The following KIAA0825 variants were observed in gnomAD, a reference collection of about 807,000 sequenced individuals.
The protein encoded by KIAA0825 is KIAA0825, also known as uncharacterized protein KIAA0825.
In KIAA0825, 119 loss-of-function variants were observed where a neutral mutation model predicts 147.6. The observed-to-expected ratio is 0.81, with a 90% CI of 0.69 to 0.94. The LOEUF (loss-of-function observed/expected upper bound fraction) is 0.94. Among genes scored for constraint, KIAA0825 ranks in the 40% least tolerant of loss-of-function variants. The pLI is 0.00. For synonymous variants in KIAA0825, 470 were observed against 518.1 expected, an observed-to-expected ratio of 0.91 and a Z score of 1.26; for missense variants, 1,381 against 1,472.7, an observed-to-expected ratio of 0.94 and a Z score of 1.02.
At chr5:94,592,509 T>C (rs940064139) in intron 1 of KIAA0825, among the ~76,000 whole-genome samples, 3 of 152,124 alleles carry the variant, frequency 2.0e-5, no homozygotes, top group African/African-American at 7.2e-5. Flanking sequence ...GAGGGTTGGG[T>C]GAGACAACCA....
At chr5:94,376,609 A>AAAACAAAC (rs57714508) in intron 20 of KIAA0825, among the ~76,000 whole-genome samples, 8 of 152,172 alleles carry the variant, frequency 5.3e-5, no homozygotes, top group South Asian at 2.1e-4. Flanking sequence ...ATCTCTGCAA[A>AAAACAAAC]AAACAAACAA....
chr5:94,363,902 C>G (rs1419826879), intron 20 of KIAA0825, among the ~76,000 whole-genome samples: 1 of 151,976 alleles, frequency 6.6e-6, no homozygotes, highest in Non-Finnish European at 1.5e-5. Flanking sequence ...TTAACAACGC[C>G]TCTTTCTCTT....
chr5:94,462,521 T>C lies in KIAA0825; in HGVS notation c.2112A>G (p.Ser704=). 6.5e-7 allele frequency: 1 copy of C among 1,542,060 alleles called. No individual in the cohort carries two copies. The highest frequency in any genetic ancestry group is 2.5e-5 in the East Asian group (1 of 40,646). Residue 704 remains serine (S), a synonymous_variant, in exon 12 of 21, where the codon TCA becomes TCG. Transcript: ENST00000682413. ...ILICTENMLW[S]VCTSVQKLLN... is the part of the protein sequence containing the mutation. ...AAAGTTTCTGTACAGATGTACAAAC[T>C]GACCATAACATGTTCTCAGTGCATA...
chr5:94,521,021 T>G (rs903676701), intron 4 of KIAA0825, 104 bp from the exon 5 acceptor site: 16 of 968,750 alleles, frequency 1.7e-5, no homozygotes, highest in Non-Finnish European at 2.0e-5. Context: ...ATCAATACTC[T>G]AAAATTCCTT....
chr5:94,435,685 G>A (rs1053029510), intron 14 of KIAA0825, among the ~76,000 whole-genome samples: 1 of 152,118 alleles, frequency 6.6e-6, no homozygotes, highest in Admixed American at 6.6e-5. Context: ...CTAGGTCTCT[G>A]AGCAATCTCT....
At chr5:94,607,272 T>A (rs1025897006) in intron 1 of KIAA0825, among the ~76,000 whole-genome samples, 1 of 151,956 alleles carries the variant, frequency 6.6e-6, no homozygotes, top group African/African-American at 2.4e-5. Context: ...CAACAAAACA[T>A]TATATGTCAT....
chr5:94,518,628 T>C (rs1767621564), intron 5 of KIAA0825, among the ~76,000 whole-genome samples: 1 of 152,088 alleles, frequency 6.6e-6, no homozygotes, highest in Non-Finnish European at 1.5e-5. Context: ...TTCATGAAAT[T>C]GGGATAATAG....
chr5:94,403,145 T>C (rs1751610503), intron 16 of KIAA0825, among the ~76,000 whole-genome samples: 1 of 152,112 alleles, frequency 6.6e-6, no homozygotes, highest in Non-Finnish European at 1.5e-5. Flanking sequence ...GTAGGTGTTT[T>C]AACAAGAGAA....
chr5:94,333,705 T>C (rs2150301217), intron 20 of KIAA0825, among the ~76,000 whole-genome samples: 1 of 152,278 alleles, frequency 6.6e-6, no homozygotes, highest in Middle Eastern at 3.4e-3. Context: ...GTCTTGGCTA[T>C]ACAGGATCTT....
At chr5:94,317,184 A>T (rs1439239049) in intron 20 of KIAA0825, among the ~76,000 whole-genome samples, 1 of 151,858 alleles carries the variant, frequency 6.6e-6, no homozygotes, top group Non-Finnish European at 1.5e-5. Context: ...AGTGCCTAGA[A>T]GTCACAACCC....
chr5:94,586,652 A>C (rs1388599602), intron 1 of KIAA0825, among the ~76,000 whole-genome samples: 5 of 152,232 alleles, frequency 3.3e-5, no homozygotes, highest in East Asian at 1.9e-4. Flanking sequence ...AGACTATTCC[A>C]ATCAATAGAA....
At chr5:94,609,609 T>A (rs1290800034) in intron 1 of KIAA0825, among the ~76,000 whole-genome samples, 1 of 152,026 alleles carries the variant, frequency 6.6e-6, no homozygotes, top group Non-Finnish European at 1.5e-5. Flanking sequence ...AATTACCAAG[T>A]AAAGTTAATC....
At chr5:94,262,026 C>T (rs547493477) in intron 20 of KIAA0825, among the ~76,000 whole-genome samples, 2 of 150,748 alleles carry the variant, frequency 1.3e-5, no homozygotes, top group Admixed American at 1.3e-4. Context: ...AAGAAAATAC[C>T]CCAATAAAAT....
intron 20 of KIAA0825, among the ~76,000 whole-genome samples, chr5:94,168,210 T>C (rs1374389186): frequency 6.6e-6 from 1 of 152,098 alleles, no homozygotes; most frequent in Admixed American, 6.5e-5. Flanking sequence ...GATTTTGTTA[T>C]ATGATTATGA....
chr5:94,166,115 C>T (rs558049893), intron 20 of KIAA0825, among the ~76,000 whole-genome samples: 2 of 151,984 alleles, frequency 1.3e-5, no homozygotes, highest in Non-Finnish European at 2.9e-5. Flanking sequence ...ATCTCATGTA[C>T]CCCATAAATA....
rs531319887 is a variant in KIAA0825, at chr5:94,537,214, G to A, written c.-1-87C>T. On this transcript the variant is annotated intron_variant, in intron 2 of 20. Coordinates refer to ENST00000682413, the MANE Select transcript of KIAA0825 (RefSeq NM_001145678.3). ...TGGGCAGAAATTCACCTCAAGTTGT[G>A]ATACTAAACCAAAAATAGTAATTCC... 26 of 951,188 alleles carry A rather than the reference G, an allele frequency of 2.7e-5. No homozygotes were observed. The African/African-American group carries it at 3.7e-4, about 13-fold the overall frequency. 58.9% of individuals were successfully genotyped at this position (951,188 alleles called of 1,614,324 possible). A position where few individuals can be genotyped will look rare whatever the true frequency, so the allele number is the denominator to read the frequency against.
intron 20 of KIAA0825, among the ~76,000 whole-genome samples, chr5:94,275,176 G>C (rs1256212039): frequency 6.6e-6 from 1 of 152,124 alleles, no homozygotes; most frequent in Non-Finnish European, 1.5e-5. Flanking sequence ...TATTTTTTAA[G>C]ATTAAGAGGA....
intron 3 of KIAA0825, among the ~76,000 whole-genome samples, chr5:94,529,735 T>C (rs1375332918): frequency 3.9e-5 from 6 of 152,124 alleles, no homozygotes; most frequent in Non-Finnish European, 8.8e-5. Context: ...AATGCAAAAA[T>C]ATTTAAGAAA....
chr5:94,536,916 G>T, intron 3 of KIAA0825, 80 bp downstream of exon 3: 1 of 938,320 alleles, frequency 1.1e-6, no homozygotes, highest in Non-Finnish European at 1.6e-6. Context: ...TTATCTAAGA[G>T]CAGGATACAA....
Sources: allele counts gnomAD v4.1 joint callset (sites outside exome capture counted in the v4.1 genomes callset), GRCh38; gene constraint gnomAD v4.1.1; transcripts MANE v1.5; gene names NCBI Gene and HGNC (gene_info 2026-07-23, HGNC 2026-07-21).